Variants in ATP1A1 observed in about 807,000 individuals in gnomAD.
ATP1A1 encodes the protein ATPase Na+/K+ transporting subunit alpha 1.
Under a neutral mutation model 114.8 loss-of-function variants are expected in ATP1A1, and 14 were observed. That is an observed-to-expected ratio of 0.12 (90% CI 0.08 to 0.19). The LOEUF is 0.19. Among genes scored for constraint, ATP1A1 ranks in the 10% least tolerant of loss-of-function variants. The pLI, the probability that ATP1A1 is intolerant of heterozygous loss-of-function variation, is 1.00. For missense variants in ATP1A1, 524 were observed against 1,290.7 expected (o/e 0.41, Z 9.10); for synonymous variants, 471 against 466.3 (o/e 1.01, Z -0.13).
chr1:116,401,335 C>T lies in ATP1A1; in HGVS notation c.2849+75C>T, dbSNP rs553018836. ...TGATTTGTAAACCCTTTGCCAAAAA[C>T]TAAACATATGACACATATAGCCAGG... is the stretch of plus-strand genomic sequence containing the variant. On this transcript the variant is annotated intron_variant, in intron 20 of 22. Transcript: ENST00000295598. This position sits in a 1 kb window ranked among gnomAD's most constrained non-coding sequence, Gnocchi z 4.7. The T allele has an allele frequency of 6.2e-7, 1 of 1,601,230 alleles. No individual in the cohort carries two copies. The highest frequency in any genetic ancestry group is 1.3e-5 in the African/African-American group (1 of 74,728).
intron 1 of ATP1A1, chr1:116,373,801 C>A (rs1327221200): frequency 1.7e-6 from 2 of 1,151,708 alleles, no homozygotes; most frequent in African/African-American, 1.9e-5. Flanking sequence ...CCCCGGAGGC[C>A]GAGCGGGCCG....
In ATP1A1 at chr1:116,390,341, C is replaced by T. The variant is rs1319977262; in HGVS notation, c.1152C>T (p.Asn384=). The change falls in exon 9 of 23, where the codon AAC becomes AAT. Residue 384 remains asparagine, a synonymous_variant. Coordinates refer to ENST00000295598, the MANE Select transcript of ATP1A1 (RefSeq NM_000701.8). ...CSDKTGTLTQ[N]RMTVAHMWFD... ...ATAAAACTGGAACTCTGACTCAGAA[C>T]CGGATGACAGTGGCCCACATGTGGT... The T allele has an allele frequency of 6.8e-6, 11 of 1,614,008 alleles. No homozygotes were observed. Among genetic ancestry groups the T allele is most frequent in the Non-Finnish European group, 9.3e-6 (11 of 1,180,036 alleles).
In ATP1A1 at chr1:116,401,254, G is replaced by A. The variant is rs765762308; in HGVS notation, c.2843G>A (p.Gly948Glu). Residue 948 changes from glycine to glutamate, a missense_variant, in exon 20 of 23, where the codon GGG becomes GAG. By Grantham distance (98) the Gly-to-Glu change is moderately conservative (BLOSUM62 -2). This residue lies in a region of ATP1A1 where 84 missense variants were observed against 209.3 expected (regional missense o/e 0.40). Coordinates refer to ENST00000295598, the MANE Select transcript of ATP1A1 (RefSeq NM_000701.8). This position sits in a 1 kb window ranked among gnomAD's most constrained non-coding sequence, Gnocchi z 4.7. ...KTRRNSVFQQ[G>E]MKNKILIFGL... ...AGGAGGAATTCGGTCTTCCAGCAGG[G>A]GATGAAGTAAGTAATGAAGGACATG... is the stretch of plus-strand genomic sequence containing the variant. 3.1e-6 allele frequency: 5 copies of A among 1,614,028 alleles called. No homozygotes were observed.
rs776220915 is a variant in ATP1A1, at chr1:116,387,404, C to T, written c.300C>T (p.Phe100=). 4.3e-6 allele frequency: 7 copies of T among 1,614,202 alleles called. No individual in the cohort carries two copies. The highest frequency in any genetic ancestry group is 5.9e-6 in the Non-Finnish European group (7 of 1,180,040). ...IKFCRQLFGG[F]SMLLWIGAIL... is the part of the protein sequence containing the mutation. ...TTTGTCGGCAGCTCTTTGGGGGGTT[C>T]TCAATGTTACTGTGGATTGGAGCGA... The change falls in exon 4 of 23, where the codon TTC becomes TTT. Residue 100 remains phenylalanine, a synonymous_variant. Coordinates refer to ENST00000295598, the MANE Select transcript of ATP1A1 (RefSeq NM_000701.8). This position sits in a 1 kb window ranked among gnomAD's most constrained non-coding sequence, Gnocchi z 6.7.
chr1:116,393,730 A>T lies in ATP1A1; in HGVS notation c.1660+7A>T. The stretch of plus-strand genomic sequence containing the variant: ...CTCGGAGAACGAGTCCTAGGTATGC[A>T]GATAACCTGGTAACAGAGTGCCTGG... On this transcript the variant is annotated splice_region_variant and intron_variant, in intron 12 of 22. Coordinates refer to ENST00000295598, the MANE Select transcript of ATP1A1 (RefSeq NM_000701.8). This position sits in a 1 kb window ranked among gnomAD's most constrained non-coding sequence, Gnocchi z 5.0. 6.2e-7 allele frequency: 1 copy of T among 1,611,308 alleles called. No homozygotes were observed. The highest frequency in any genetic ancestry group is 1.3e-5 in the African/African-American group (1 of 74,962).
intron 1 of ATP1A1, among the ~76,000 whole-genome samples, chr1:116,377,568 C>T (rs1651457616): frequency 1.3e-5 from 2 of 152,228 alleles, no homozygotes; most frequent in South Asian, 2.1e-4. Context: ...TTTCTGTCTA[C>T]TTTCACTTCT....
chr1:116,404,734 T>G lies in ATP1A1; in HGVS notation c.*290T>G. ...GGAAAGACTGAAAGAATACATTTTA[T>G]ATCTGGATTTTTACAAATAAAGATG... On this transcript the variant is annotated 3_prime_UTR_variant, in exon 23 of 23. Transcript: ENST00000295598. This position sits in a 1 kb window ranked among gnomAD's most constrained non-coding sequence, Gnocchi z 4.8. 3 of 1,186,884 alleles carry G rather than the reference T, an allele frequency of 2.5e-6. No homozygotes were observed. Among genetic ancestry groups the G allele is most frequent in the East Asian group, 4.4e-5 (1 of 22,602 alleles). The allele number at this position is 1,186,884 out of a possible 1,614,324, so 73.5% of individuals were successfully genotyped here. A position where few individuals can be genotyped will look rare whatever the true frequency, so the allele number is the denominator to read the frequency against.
intron 18 of ATP1A1, 138 bp from the exon 19 acceptor site, chr1:116,400,723 C>CT (rs1198099161): frequency 5.5e-5 from 60 of 1,089,810 alleles, no homozygotes; most frequent in Non-Finnish European, 7.6e-5. Context: ...CCAGGCAATT[C>CT]TTTCCTGTGC....
chr1:116,374,295 A>G, intron 1 of ATP1A1: 1 of 1,551,540 alleles, frequency 6.4e-7, no homozygotes, highest in Non-Finnish European at 8.7e-7. Context: ...GGATGCACCG[A>G]TGGCAACTGG....
chr1:116,397,598 A>C lies in ATP1A1; in HGVS notation c.1974-290A>C, dbSNP rs1258364709. 6.6e-6 allele frequency among the ~76,000 whole-genome samples: 1 copy of C among 152,096 alleles called. No individual in the cohort carries two copies. The highest frequency in any genetic ancestry group is 1.5e-5 in the Non-Finnish European group (1 of 68,004). On this transcript the variant is annotated intron_variant, in intron 14 of 22. Coordinates refer to ENST00000295598, the MANE Select transcript of ATP1A1 (RefSeq NM_000701.8). The surrounding 1 kb of genome is among the most constrained non-coding windows in gnomAD (Gnocchi z 4.2). ...CTGGGATTACAGGCATGAGCCACAC[A>C]CCCAGCTAAAACTTGGTTATATTTC...
intron 12 of ATP1A1, among the ~76,000 whole-genome samples, chr1:116,394,553 G>A (rs1003802863): frequency 6.6e-6 from 1 of 152,012 alleles, no homozygotes; most frequent in African/African-American, 2.4e-5. Context: ...TGAAAAGAAT[G>A]TCTTACATTA....
At chr1:116,376,453 G>T (rs1309042368) in intron 1 of ATP1A1, among the ~76,000 whole-genome samples, 1 of 152,212 alleles carries the variant, frequency 6.6e-6, no homozygotes, top group Non-Finnish European at 1.5e-5. Context: ...AGTTGCCCGG[G>T]CCTGGCCGGG....
At position 116,399,827 on chromosome 1, in the gene ATP1A1, C is replaced by G. The variant is rs1210863997; in HGVS notation, c.2572+284C>G. 6.6e-6 allele frequency among the ~76,000 whole-genome samples: 1 copy of G among 152,240 alleles called. No individual in the cohort carries two copies. Among genetic ancestry groups the G allele is most frequent in the Non-Finnish European group, 1.5e-5 (1 of 68,040 alleles). On this transcript the variant is annotated intron_variant, in intron 18 of 22. Transcript: ENST00000295598. This position sits in a 1 kb window ranked among gnomAD's most constrained non-coding sequence, Gnocchi z 5.0. ...TGAGAAATGAGGATGTCCTTCCTCA[C>G]TGAGCCTTGCGGAACAGGAGGCATG...
In ATP1A1 at chr1:116,398,471, C is replaced by T; in HGVS notation, c.2125-150C>T. ...ATTTGGTGTAGGGCCTGTGTGAATACTTGCCTGTGACGGTTCTCAGGCTTC... is the reference window on the plus strand; with the variant it reads ...ATTTGGTGTAGGGCCTGTGTGAATATTTGCCTGTGACGGTTCTCAGGCTTC... On this transcript the variant is annotated intron_variant, in intron 15 of 22. Coordinates refer to ENST00000295598, the MANE Select transcript of ATP1A1 (RefSeq NM_000701.8). This position sits in a 1 kb window ranked among gnomAD's most constrained non-coding sequence, Gnocchi z 6.1. 2.0e-6 allele frequency: 2 copies of T among 991,446 alleles called. No individual in the cohort carries two copies. Among genetic ancestry groups the T allele is most frequent in the East Asian group, 4.9e-5 (2 of 40,850 alleles). The allele number at this position is 991,446 out of a possible 1,614,324, so 61.4% of individuals were successfully genotyped here.
At chr1:116,391,023 A>G in intron 10 of ATP1A1, 132 bp downstream of exon 10, 2 of 711,754 alleles carry the variant, frequency 2.8e-6, no homozygotes, top group East Asian at 2.7e-5. Context: ...TGGTCTGTGC[A>G]GTACTTTGCT....
At chr1:116,394,359 T>C (rs774401956) in intron 12 of ATP1A1, among the ~76,000 whole-genome samples, 127 of 152,294 alleles carry the variant, frequency 8.3e-4, no homozygotes, top group Non-Finnish European at 1.5e-3. Context: ...ATGCTTCCTA[T>C]TCTTCTTAAC....
chr1:116,388,613 G>GGTGTA lies in ATP1A1; in HGVS notation c.502-24_502-20dup. 4 of 1,611,616 alleles carry GGTGTA rather than the reference G, an allele frequency of 2.5e-6. No homozygotes were observed. Among genetic ancestry groups the GGTGTA allele is most frequent in the Non-Finnish European group, 3.4e-6 (4 of 1,178,588 alleles). ...ACCTTCTCTTTGTTGGTATACTAAC[G>GGTGTA]GTGTAAATTGTTTCTTTTCCAAAGC... is the stretch of plus-strand genomic sequence containing the variant. On this transcript the variant is annotated intron_variant, in intron 5 of 22. Transcript: ENST00000295598. This position sits in a 1 kb window ranked among gnomAD's most constrained non-coding sequence, Gnocchi z 5.6.
chr1:116,390,653 A>T (rs1002895710), intron 9 of ATP1A1, 129 bp from the exon 10 acceptor site: 4 of 901,326 alleles, frequency 4.4e-6, no homozygotes, highest in Non-Finnish European at 5.2e-6. Context: ...CTAAAATGTG[A>T]TTGGTTTCAT....
chr1:116,383,050 CA>C (rs928620827), intron 1 of ATP1A1, among the ~76,000 whole-genome samples: 2 of 152,010 alleles, frequency 1.3e-5, no homozygotes, highest in Non-Finnish European at 2.9e-5. Flanking sequence ...GATTTTTCAA[CA>C]GGGGTGGGGG....
Sources: gnomAD v4.1 joint callset for allele counts (sites outside exome capture counted in the v4.1 genomes callset) on GRCh38, gnomAD v4.1.1 for gene constraint, gnomAD v4.1.1 regional missense constraint, Gnocchi (gnomAD v3.1) non-coding constraint, MANE v1.5 for transcripts, NCBI Gene and HGNC (gene_info 2026-07-23, HGNC 2026-07-21) for gene names.